Variants in RORA observed in about 807,000 individuals in gnomAD.
The protein encoded by RORA is nuclear receptor ROR-alpha.
In RORA, 7 loss-of-function variants were observed where a neutral mutation model predicts 69.5. That is an observed-to-expected ratio of 0.10 (90% CI 0.06 to 0.19). The LOEUF (loss-of-function observed/expected upper bound fraction) is 0.19, where lower values mean the gene tolerates loss of function less well. Ranked by LOEUF, RORA falls within the 10% of genes least tolerant of loss-of-function variation. The pLI is 1.00. For synonymous variants in RORA, 261 were observed against 240.8 expected (o/e 1.08, Z -0.78); for missense variants, 457 against 663.0 (o/e 0.69, Z 3.41).
intron 2 of RORA, among the ~76,000 whole-genome samples, chr15:60,652,733 T>A (rs2070163096): frequency 6.6e-6 from 1 of 152,254 alleles, no homozygotes; most frequent in South Asian, 2.1e-4. Context: ...TTCCATCAAG[T>A]GCACAGAACA....
chr15:60,551,155 A>G (rs913310793), intron 2 of RORA, among the ~76,000 whole-genome samples: 2 of 152,144 alleles, frequency 1.3e-5, no homozygotes, highest in East Asian at 1.9e-4. Flanking sequence ...TATGGAGACT[A>G]TATCTAGGCA....
intron 1 of RORA, among the ~76,000 whole-genome samples, chr15:60,709,415 G>A (rs1161650149): frequency 2.0e-5 from 3 of 152,148 alleles, no homozygotes; most frequent in Admixed American, 1.3e-4. Flanking sequence ...GAGCTCCTTT[G>A]ATTCTAAAGC....
At chr15:60,929,945 C>T (rs1221478174) in intron 1 of RORA, among the ~76,000 whole-genome samples, 3 of 152,118 alleles carry the variant, frequency 2.0e-5, no homozygotes, top group African/African-American at 2.4e-5. Context: ...TGGATCAACA[C>T]GTGCTGCTTA....
In RORA at chr15:60,946,957, G is replaced by A. The variant is rs1480733012; in HGVS notation, c.167-268271C>T. ...AGGTGAGGAGCGTCTCTGCCCCGCC[G>A]CCCTCTCTGAGAAGTGAGGAGCCCC... On this transcript the variant is annotated intron_variant, in intron 1 of 10. Coordinates refer to ENST00000335670, the MANE Select transcript of RORA (RefSeq NM_134261.3). Among the ~76,000 whole-genome samples the A allele has an allele frequency of 2.8e-4, 43 of 151,314 alleles. 1 individual carries two copies. Among genetic ancestry groups the A allele is most frequent in the Admixed American group, 2.6e-3 (39 of 15,226 alleles).
intron 2 of RORA, among the ~76,000 whole-genome samples, chr15:60,590,882 A>G (rs1257013515): frequency 1.3e-5 from 2 of 152,216 alleles, no homozygotes; most frequent in Non-Finnish European, 2.9e-5. Flanking sequence ...ACAGGGGAAA[A>G]GAGAAAATTT....
At chr15:60,945,167 C>T (rs893396996) in intron 1 of RORA, among the ~76,000 whole-genome samples, 22 of 152,188 alleles carry the variant, frequency 1.4e-4, no homozygotes, top group African/African-American at 5.1e-4. Context: ...TATAATTTCC[C>T]TCCCCACCCT....
At chr15:60,589,486 G>C (rs959766431) in intron 2 of RORA, among the ~76,000 whole-genome samples, 3 of 152,216 alleles carry the variant, frequency 2.0e-5, no homozygotes, top group African/African-American at 7.2e-5. Context: ...GTACTCCGCT[G>C]CCGCGTGACA....
chr15:61,152,451 CAT>C (rs1466340069), intron 1 of RORA, among the ~76,000 whole-genome samples: 2 of 134,780 alleles, frequency 1.5e-5, no homozygotes, highest in Non-Finnish European at 3.3e-5. Flanking sequence ...AGTTAAATAT[CAT>C]ATATTTATAT....
At chr15:61,178,722 A>G (rs898226967) in intron 1 of RORA, among the ~76,000 whole-genome samples, 2 of 152,218 alleles carry the variant, frequency 1.3e-5, no homozygotes, top group African/African-American at 4.8e-5. Context: ...CACAAATACT[A>G]AAAAGGAATA....
chr15:61,197,108 C>T (rs529385144), intron 1 of RORA, among the ~76,000 whole-genome samples: 6 of 152,210 alleles, frequency 3.9e-5, no homozygotes, highest in Non-Finnish European at 8.8e-5. Flanking sequence ...CGTTACTTCC[C>T]GGTGCCACAC....
chr15:60,838,350 A>C (rs1162665392), intron 1 of RORA, among the ~76,000 whole-genome samples: 2 of 152,186 alleles, frequency 1.3e-5, no homozygotes, highest in African/African-American at 4.8e-5. Flanking sequence ...AAAGGGAAAA[A>C]GCTCTCCAGC....
At chr15:60,736,381 A>G (rs2071500217) in intron 1 of RORA, among the ~76,000 whole-genome samples, 1 of 152,162 alleles carries the variant, frequency 6.6e-6, no homozygotes, top group Non-Finnish European at 1.5e-5. Context: ...AACTAGCAAT[A>G]ATCAGGAAGG....
intron 1 of RORA, among the ~76,000 whole-genome samples, chr15:60,827,867 G>A (rs746018381): frequency 2.6e-5 from 4 of 152,188 alleles, no homozygotes; most frequent in East Asian, 1.9e-4. Flanking sequence ...GTCAAAAAAC[G>A]ATGACAACTA....
chr15:60,607,867 C>T (rs1008189716), intron 2 of RORA, among the ~76,000 whole-genome samples: 1 of 152,204 alleles, frequency 6.6e-6, no homozygotes, highest in African/African-American at 2.4e-5. Context: ...AGAAGAAAGC[C>T]ATAGACACAA....
At chr15:60,821,949 CAA>C (rs2140379751) in intron 1 of RORA, among the ~76,000 whole-genome samples, 1 of 152,208 alleles carries the variant, frequency 6.6e-6, no homozygotes, top group African/African-American at 2.4e-5. Context: ...ACTAAAAACT[CAA>C]AGTTTGCTGA....
chr15:60,747,229 C>CA (rs35976348), intron 1 of RORA, among the ~76,000 whole-genome samples: 2 of 151,976 alleles, frequency 1.3e-5, no homozygotes, highest in African/African-American at 2.4e-5. Context: ...AGGGAGAGTT[C>CA]AAAAAAAGTC....
chr15:60,585,717 C>T (rs2068315151), intron 2 of RORA, among the ~76,000 whole-genome samples: 1 of 152,096 alleles, frequency 6.6e-6, no homozygotes, highest in Non-Finnish European at 1.5e-5. Context: ...TAATATTGAG[C>T]CAAACAGCAA....
intron 1 of RORA, among the ~76,000 whole-genome samples, chr15:60,900,191 G>A (rs981997786): frequency 6.9e-6 from 1 of 144,810 alleles, no homozygotes; most frequent in Non-Finnish European, 1.5e-5. Context: ...GTCATTTATT[G>A]TCTGCCAGAT....
intron 1 of RORA, among the ~76,000 whole-genome samples, chr15:60,814,498 T>C (rs958990556): frequency 6.6e-6 from 1 of 152,134 alleles, no homozygotes; most frequent in Non-Finnish European, 1.5e-5. Context: ...AATAAAATAA[T>C]AAATGAAGAG....
Sources: allele counts gnomAD v4.1 joint callset (sites outside exome capture counted in the v4.1 genomes callset), GRCh38; gene constraint gnomAD v4.1.1; transcripts MANE v1.5; gene names NCBI Gene and HGNC (gene_info 2026-07-23, HGNC 2026-07-21).